PAWR: variants seen among roughly 807,000 people sequenced by gnomAD.
The protein encoded by PAWR is pro-apoptotic WT1 regulator.
Under a neutral mutation model 32.0 loss-of-function variants are expected in PAWR, and 23 were observed. The observed-to-expected ratio is 0.72, with a 90% confidence interval of 0.52 to 1.02. The LOEUF (loss-of-function observed/expected upper bound fraction) is 1.02. Ranked by LOEUF, PAWR falls within the 50% of genes least tolerant of loss-of-function variation. The pLI, the probability that PAWR is intolerant of heterozygous loss-of-function variation, is 0.00. For missense variants in PAWR, 457 were observed against 437.7 expected (o/e 1.04, Z -0.39); for synonymous variants, 226 against 187.1 (o/e 1.21, Z -1.70).
chr12:79,648,001 A>C (rs2136789187), intron 2 of PAWR, among the ~76,000 whole-genome samples: 1 of 152,172 alleles, frequency 6.6e-6, no homozygotes, highest in South Asian at 2.1e-4. Flanking sequence ...CAGTTCACAT[A>C]AGGTTCACAC....
At position 79,611,543 on chromosome 12, in the gene PAWR, A is replaced by C. The variant is rs373246621; in HGVS notation, c.683+2032T>G. Reference sequence around the variant, plus strand: ...TGAAAATAACAAACTGTTGATATAAAGTATAACACATTTCTACTAGATAAG... The same window carrying C: ...TGAAAATAACAAACTGTTGATATAACGTATAACACATTTCTACTAGATAAG... On this transcript the variant is annotated intron_variant, in intron 4 of 6. Coordinates refer to ENST00000328827, the MANE Select transcript of PAWR (RefSeq NM_002583.4). 7.2e-5 allele frequency among the ~76,000 whole-genome samples: 11 copies of C among 152,066 alleles called. 1 individual carries two copies. Among genetic ancestry groups the C allele is most frequent in the Admixed American group, 3.9e-4 (6 of 15,260 alleles).
chr12:79,658,431 G>T (rs747706797), intron 2 of PAWR, among the ~76,000 whole-genome samples: 1 of 151,806 alleles, frequency 6.6e-6, no homozygotes, highest in Non-Finnish European at 1.5e-5. Flanking sequence ...AGTAATAGGG[G>T]GTTGTGTTCC....
intron 2 of PAWR, among the ~76,000 whole-genome samples, chr12:79,639,881 T>C (rs200159813): frequency 5.2e-4 from 58 of 112,470 alleles, no homozygotes; most frequent in African/African-American, 2.4e-3. Flanking sequence ...TTCCTATTCC[T>C]ATTCCATTCC....
intron 2 of PAWR, among the ~76,000 whole-genome samples, chr12:79,660,988 C>G (rs1877322367): frequency 6.6e-6 from 1 of 151,782 alleles, no homozygotes; most frequent in Non-Finnish European, 1.5e-5. Context: ...ACAATTTTGG[C>G]TGGGCACAAT....
chr12:79,657,529 C>T (rs371619017), intron 2 of PAWR, among the ~76,000 whole-genome samples: 18 of 152,224 alleles, frequency 1.2e-4, no homozygotes, highest in African/African-American at 3.4e-4. Flanking sequence ...CGGTGGCTCA[C>T]GCCCGTAATC....
At chr12:79,661,178 G>A (rs1877331745) in intron 2 of PAWR, among the ~76,000 whole-genome samples, 1 of 151,128 alleles carries the variant, frequency 6.6e-6, no homozygotes. Flanking sequence ...GAACCCGGGA[G>A]GCGGAGGTTG....
chr12:79,654,075 A>C (rs1293244427), intron 2 of PAWR, among the ~76,000 whole-genome samples: 1 of 152,252 alleles, frequency 6.6e-6, no homozygotes, highest in Admixed American at 6.5e-5. Flanking sequence ...AAACATGTTA[A>C]AACAGCTGCT....
chr12:79,631,185 C>T (rs977455092), intron 2 of PAWR, among the ~76,000 whole-genome samples: 3 of 152,082 alleles, frequency 2.0e-5, no homozygotes, highest in Non-Finnish European at 4.4e-5. Context: ...TCAGAAAAAC[C>T]CATATCTAAC....
intron 4 of PAWR, among the ~76,000 whole-genome samples, chr12:79,607,082 G>T (rs533750249): frequency 6.6e-6 from 1 of 152,226 alleles, no homozygotes; most frequent in East Asian, 1.9e-4. Flanking sequence ...CACTGCTATT[G>T]CATGCCTGAC....
Position 79,602,064 on chromosome 12 carries a change from T to C in PAWR, c.684-5406A>G, listed in dbSNP as rs150900270. On this transcript the variant is annotated intron_variant, in intron 4 of 6. Coordinates refer to ENST00000328827, the MANE Select transcript of PAWR (RefSeq NM_002583.4). The stretch of plus-strand genomic sequence containing the variant: ...TGTAATAGTTAAACTAGATAACTCA[T>C]AAATCCGCATAGATGGACATTCAAA... 2.1e-3 allele frequency among the ~76,000 whole-genome samples: 324 copies of C among 152,292 alleles called. 2 individuals carry two copies. Among genetic ancestry groups the C allele is most frequent in the African/African-American group, 7.6e-3 (316 of 41,554 alleles).
At chr12:79,666,411 T>C (rs1349296204) in intron 2 of PAWR, among the ~76,000 whole-genome samples, 3 of 152,134 alleles carry the variant, frequency 2.0e-5, no homozygotes, top group Non-Finnish European at 4.4e-5. Flanking sequence ...TTGCAACCAA[T>C]AATAAAATAG....
chr12:79,622,496 C>T (rs577072213), intron 2 of PAWR, among the ~76,000 whole-genome samples: 1 of 152,222 alleles, frequency 6.6e-6, no homozygotes, highest in South Asian at 2.1e-4. Context: ...TGTGATGTTC[C>T]TCACCCTGTG....
At chr12:79,665,474 G>C (rs1361579620) in intron 2 of PAWR, among the ~76,000 whole-genome samples, 2 of 152,048 alleles carry the variant, frequency 1.3e-5, no homozygotes, top group Admixed American at 6.6e-5. Context: ...CAATAAACTT[G>C]TCTCAACGTA....
chr12:79,665,836 A>G (rs1185182980), intron 2 of PAWR, among the ~76,000 whole-genome samples: 2 of 152,206 alleles, frequency 1.3e-5, no homozygotes, highest in South Asian at 2.1e-4. Context: ...ATCAAACTGC[A>G]GCAAAACTCA....
At chr12:79,636,597 C>T (rs1875971514) in intron 2 of PAWR, among the ~76,000 whole-genome samples, 1 of 152,140 alleles carries the variant, frequency 6.6e-6, no homozygotes, top group East Asian at 1.9e-4. Flanking sequence ...TTGTGATCTA[C>T]TATCTAGTTC....
intron 2 of PAWR, among the ~76,000 whole-genome samples, chr12:79,653,030 TTTGTTTTTTTA>T (rs1876923306): frequency 6.6e-6 from 1 of 152,152 alleles, no homozygotes; most frequent in African/African-American, 2.4e-5. Context: ...TGTTTTTGTG[TTTGTTTTTTTA>T]TTTGTTTGTT....
At chr12:79,637,939 T>TA (rs1876044548) in intron 2 of PAWR, among the ~76,000 whole-genome samples, 1 of 152,180 alleles carries the variant, frequency 6.6e-6, no homozygotes, top group Non-Finnish European at 1.5e-5. Flanking sequence ...GAAGTGTACT[T>TA]ACATCATCTC....
At chr12:79,609,859 A>G (rs893687980) in intron 4 of PAWR, among the ~76,000 whole-genome samples, 2 of 152,174 alleles carry the variant, frequency 1.3e-5, no homozygotes, top group Non-Finnish European at 2.9e-5. Context: ...TTAACACTTA[A>G]GCCGTCCATG....
chr12:79,676,134 AAAT>A (rs1035436362), intron 2 of PAWR, among the ~76,000 whole-genome samples: 5 of 152,006 alleles, frequency 3.3e-5, no homozygotes, highest in Non-Finnish European at 7.4e-5. Flanking sequence ...TGTAAAATAG[AAAT>A]AATAATAATA....
Sources: gnomAD v4.1 joint callset for allele counts (sites outside exome capture counted in the v4.1 genomes callset) on GRCh38, gnomAD v4.1.1 for gene constraint, MANE v1.5 for transcripts, NCBI Gene and HGNC (gene_info 2026-07-23, HGNC 2026-07-21) for gene names.